Variants in ASTN2 observed in about 807,000 individuals in gnomAD.
The protein encoded by ASTN2 is astrotactin-2.
Under a neutral mutation model 139.8 loss-of-function variants are expected in ASTN2, and 54 were observed. The ratio of observed to expected loss-of-function variants is 0.39; its 90% CI spans 0.31 to 0.48. The LOEUF (loss-of-function observed/expected upper bound fraction) is 0.48, where lower values mean the gene tolerates loss of function less well. Among genes scored for constraint, ASTN2 ranks in the 20% least tolerant of loss-of-function variants. The probability of loss-of-function intolerance (pLI) is 0.95; values close to 1 mark genes in which losing one functional copy is unlikely to be tolerated. For missense variants in ASTN2, 1,565 were observed against 1,725.1 expected (o/e 0.91, Z 1.64); for synonymous variants, 756 against 719.5 (o/e 1.05, Z -0.81).
chr9:116,729,711 C>T (rs772976510), intron 14 of ASTN2, among the ~76,000 whole-genome samples: 4 of 152,166 alleles, frequency 2.6e-5, no homozygotes, highest in Non-Finnish European at 4.4e-5. Context: ...AACATGGAAA[C>T]ATGGATGTTC....
At chr9:117,256,605 C>T (rs544791520) in intron 2 of ASTN2, among the ~76,000 whole-genome samples, 2 of 152,166 alleles carry the variant, frequency 1.3e-5, no homozygotes, top group South Asian at 4.2e-4. Context: ...TCATGATGTC[C>T]CTTGATGTAA....
At chr9:116,809,862 C>T (rs748283287) in intron 12 of ASTN2, among the ~76,000 whole-genome samples, 1 of 152,164 alleles carries the variant, frequency 6.6e-6, no homozygotes, top group Non-Finnish European at 1.5e-5. Context: ...GCCTGTCTTG[C>T]AGTTGGGCTG....
intron 3 of ASTN2, among the ~76,000 whole-genome samples, chr9:117,201,064 T>C (rs943092685): frequency 6.7e-6 from 1 of 148,288 alleles, no homozygotes; most frequent in Admixed American, 6.9e-5. Flanking sequence ...TTGTTATTGG[T>C]CTATTCTGGG....
chr9:116,522,544 A>C (rs111407841), intron 19 of ASTN2, among the ~76,000 whole-genome samples: 1 of 152,082 alleles, frequency 6.6e-6, no homozygotes, highest in Non-Finnish European at 1.5e-5. Flanking sequence ...GGGATAAAAG[A>C]CTACACATTG....
intron 1 of ASTN2, among the ~76,000 whole-genome samples, chr9:117,372,148 C>T (rs1190598827): frequency 7.2e-5 from 11 of 152,054 alleles, no homozygotes; most frequent in South Asian, 2.1e-4. Context: ...CTGCAGTCCC[C>T]GAGGCCAGTG....
chr9:116,703,381 C>G (rs1324040956), intron 16 of ASTN2, among the ~76,000 whole-genome samples: 1 of 151,296 alleles, frequency 6.6e-6, no homozygotes, highest in Admixed American at 6.6e-5. Context: ...GGATATTAGC[C>G]CTTTGTCAGA....
At chr9:116,678,365 CACTT>C (rs1486610032) in intron 16 of ASTN2, among the ~76,000 whole-genome samples, 40 of 152,292 alleles carry the variant, frequency 2.6e-4, no homozygotes, top group Non-Finnish European at 1.0e-4. Context: ...TAATTAAAAT[CACTT>C]ACTTATCAGG....
chr9:117,099,358 C>T (rs1828918227), intron 4 of ASTN2, among the ~76,000 whole-genome samples: 1 of 152,146 alleles, frequency 6.6e-6, no homozygotes, highest in African/African-American at 2.4e-5. Flanking sequence ...AATTCTCACT[C>T]CCTTCCTTCC....
chr9:117,232,848 A>G (rs775633299), intron 2 of ASTN2, among the ~76,000 whole-genome samples: 18 of 149,984 alleles, frequency 1.2e-4, no homozygotes, highest in Non-Finnish European at 1.9e-4. Context: ...CCTTTTATCC[A>G]TACAGTTCTG....
At chr9:117,182,728 T>C (rs1371251782) in intron 3 of ASTN2, among the ~76,000 whole-genome samples, 2 of 152,010 alleles carry the variant, frequency 1.3e-5, no homozygotes. Flanking sequence ...AGTCCTTCTG[T>C]TCCAGTTACA....
chr9:116,734,196 T>G (rs998691452), intron 13 of ASTN2, among the ~76,000 whole-genome samples: 5 of 151,966 alleles, frequency 3.3e-5, no homozygotes, highest in Non-Finnish European at 7.4e-5. Context: ...TGACTCCAGG[T>G]TAGTGCTCTT....
chr9:117,356,149 A>G (rs1488071134), intron 1 of ASTN2, among the ~76,000 whole-genome samples: 1 of 152,216 alleles, frequency 6.6e-6, no homozygotes, highest in Non-Finnish European at 1.5e-5. Context: ...GATACAAGGT[A>G]TAAGTAGTAG....
At chr9:117,066,148 C>G (rs965738683) in intron 5 of ASTN2, among the ~76,000 whole-genome samples, 1 of 137,674 alleles carries the variant, frequency 7.3e-6, no homozygotes, top group African/African-American at 2.7e-5. Context: ...AGGTATATCT[C>G]CCAATGCTAT....
At chr9:116,643,100 A>G (rs940327485) in intron 17 of ASTN2, among the ~76,000 whole-genome samples, 2 of 152,238 alleles carry the variant, frequency 1.3e-5, no homozygotes, top group African/African-American at 2.4e-5. Context: ...AAGTAAGCAT[A>G]ATAGTGAATA....
intron 13 of ASTN2, among the ~76,000 whole-genome samples, chr9:116,760,670 G>T (rs552604759): frequency 6.6e-6 from 1 of 152,054 alleles, no homozygotes; most frequent in Non-Finnish European, 1.5e-5. Flanking sequence ...CCTGGGGAAG[G>T]GGGAGGGGAG....
intron 19 of ASTN2, among the ~76,000 whole-genome samples, chr9:116,533,325 C>T (rs1055775735): frequency 9.9e-5 from 15 of 152,158 alleles, no homozygotes; most frequent in African/African-American, 3.6e-4. Flanking sequence ...ATTTGACTTC[C>T]TCTTTTCCTA....
At chr9:116,870,961 A>G (rs1458208911) in intron 10 of ASTN2, among the ~76,000 whole-genome samples, 1 of 152,172 alleles carries the variant, frequency 6.6e-6, no homozygotes. Flanking sequence ...CAATGTACTG[A>G]TAAAAATCAA....
chr9:116,691,661 TTGTC>T (rs1588206464), intron 16 of ASTN2, among the ~76,000 whole-genome samples: 2 of 152,204 alleles, frequency 1.3e-5, no homozygotes, highest in African/African-American at 4.8e-5. Context: ...TTTATCTTAG[TTGTC>T]TGCAGGTGCC....
intron 5 of ASTN2, among the ~76,000 whole-genome samples, chr9:117,045,587 G>A (rs1272875439): frequency 6.6e-6 from 1 of 152,142 alleles, no homozygotes; most frequent in African/African-American, 2.4e-5. Flanking sequence ...ACTCAGTGTT[G>A]TTGATCCACA....
Sources: gnomAD v4.1 joint callset for allele counts (sites outside exome capture counted in the v4.1 genomes callset) on GRCh38, gnomAD v4.1.1 for gene constraint, MANE v1.5 for transcripts, NCBI Gene and HGNC (gene_info 2026-07-23, HGNC 2026-07-21) for gene names.